ZSCAN5A: variants seen among roughly 807,000 people sequenced by gnomAD.
The protein encoded by ZSCAN5A is zinc finger and SCAN domain containing 5A.
ZSCAN5A carries 12 observed loss-of-function variants against 23.7 expected under a neutral mutation model. The observed-to-expected ratio is 0.51, with a 90% CI of 0.32 to 0.82. The LOEUF (loss-of-function observed/expected upper bound fraction) is 0.82, where lower values mean the gene tolerates loss of function less well. ZSCAN5A is among the 40% of genes least tolerant of loss of function. The pLI, the probability that ZSCAN5A is intolerant of heterozygous loss-of-function variation, is 0.03. For synonymous variants in ZSCAN5A, 257 were observed against 239.9 expected, an observed-to-expected ratio of 1.07 and a Z score of -0.66; for missense variants, 597 against 617.9, an observed-to-expected ratio of 0.97 and a Z score of 0.36.
Position 56,355,481 on chromosome 19 carries a change from T to C in ZSCAN5A, c.-358+7754A>G, listed in dbSNP as rs185367234. Among the ~76,000 whole-genome samples the C allele has an allele frequency of 1.1e-3, 163 of 148,802 alleles. 15 individuals carry two copies. Among genetic ancestry groups the C allele is most frequent in the African/African-American group, 4.0e-3 (160 of 39,582 alleles). ...CAATTTTTTTCCCAATTTTTACTGTTTTACACTGACTTAGCTGATGCTTAA... is the reference window on the plus strand; with the variant it reads ...CAATTTTTTTCCCAATTTTTACTGTCTTACACTGACTTAGCTGATGCTTAA... On this transcript the variant is annotated intron_variant, in intron 2 of 6. Transcript: ENST00000587340.
intron 1 of ZSCAN5A, chr19:56,367,117 T>G (rs8106816): frequency 0.11 from 16,243 of 152,140 alleles, 1,244 homozygotes; most frequent in East Asian, 0.35. Flanking sequence ...CGCAGCACTT[T>G]GGGAGGTCAA....
At chr19:56,246,721 C>T (rs2035929699) in intron 2 of ZSCAN5A, 2 of 1,244,944 alleles carry the variant, frequency 1.6e-6, no homozygotes, top group South Asian at 2.4e-5. Context: ...TGTGGAATCC[C>T]TTCTTCCAGC....
chr19:56,226,398 G>A (rs560587692), intron 2 of ZSCAN5A, among the ~76,000 whole-genome samples: 1 of 152,338 alleles, frequency 6.6e-6, no homozygotes, highest in African/African-American at 2.4e-5. Context: ...TAACCCACTA[G>A]AAGGGCTTAA....
intron 2 of ZSCAN5A, chr19:56,272,906 T>C: frequency 1.0e-6 from 1 of 985,254 alleles, no homozygotes; most frequent in Non-Finnish European, 1.2e-6. Flanking sequence ...CAGAAGCCTG[T>C]ACTCCTCGTG....
chr19:56,224,559 GCCCTGA>G (rs2033704650), intron 3 of ZSCAN5A, 98 bp downstream of exon 3: 2 of 1,398,698 alleles, frequency 1.4e-6, no homozygotes, highest in African/African-American at 2.9e-5. Flanking sequence ...CTACTTGGAA[GCCCTGA>G]CCTAGAGCAG....
intron 2 of ZSCAN5A, among the ~76,000 whole-genome samples, chr19:56,336,951 C>T (rs2041543687): frequency 6.6e-6 from 1 of 152,182 alleles, no homozygotes; most frequent in South Asian, 2.1e-4. Flanking sequence ...GAAGTTTTGT[C>T]TCAGAGGAGT....
chr19:56,239,840 T>C (rs1473686397), intron 2 of ZSCAN5A, among the ~76,000 whole-genome samples: 1 of 152,178 alleles, frequency 6.6e-6, no homozygotes, highest in Non-Finnish European at 1.5e-5. Flanking sequence ...ACTGTCTGTG[T>C]GGCGCGAGGG....
At chr19:56,298,870 A>T (rs562776753) in intron 2 of ZSCAN5A, among the ~76,000 whole-genome samples, 1 of 152,344 alleles carries the variant, frequency 6.6e-6, no homozygotes, top group East Asian at 1.9e-4. Context: ...TTGATAAAAG[A>T]TCTGACAAAT....
At chr19:56,238,425 G>A (rs992733880) in intron 2 of ZSCAN5A, among the ~76,000 whole-genome samples, 2 of 152,092 alleles carry the variant, frequency 1.3e-5, no homozygotes, top group African/African-American at 4.8e-5. Context: ...GCCAGGAATT[G>A]GAGAGCAGCC....
intron 2 of ZSCAN5A, among the ~76,000 whole-genome samples, chr19:56,250,107 A>G (rs1373417938): frequency 6.6e-6 from 1 of 152,218 alleles, no homozygotes; most frequent in South Asian, 2.1e-4. Context: ...TTGCAAAGGA[A>G]TAAGAAAATT....
chr19:56,337,962 T>A (rs1166583587), intron 2 of ZSCAN5A, among the ~76,000 whole-genome samples: 2 of 152,222 alleles, frequency 1.3e-5, no homozygotes, highest in African/African-American at 4.8e-5. Flanking sequence ...TGATTACTAG[T>A]TAGGCTTAGC....
At chr19:56,313,425 A>G (rs2041166396) in intron 1 of ZSCAN5A, 41 bp from the exon 2 acceptor site, 2 of 176,092 alleles carry the variant, frequency 1.1e-5, no homozygotes, top group Non-Finnish European at 1.3e-5. Context: ...CTTATTCACT[A>G]TCACAAGAAC....
In ZSCAN5A at chr19:56,279,704, G is replaced by A. The variant is rs2038539939; in HGVS notation, c.-128+33579C>T. On this transcript the variant is annotated intron_variant, in intron 2 of 5. Coordinates refer to ENST00000683990, the MANE Select transcript of ZSCAN5A (RefSeq NM_001322064.3). ...TAAAATGCCTGCAGATAACATTTTG[G>A]GTTTTTTATACCTAAAAAGCTAGCC... Among the ~76,000 whole-genome samples, 4 of 151,978 alleles carry A rather than the reference G, an allele frequency of 2.6e-5. No individual in the cohort carries two copies. In the South Asian group the frequency reaches 8.3e-4, roughly 32 times the overall value.
chr19:56,313,135 A>G (rs2041147638), intron 2 of ZSCAN5A, 148 bp downstream of exon 2: 2 of 211,142 alleles, frequency 9.5e-6, no homozygotes, highest in South Asian at 4.5e-5. Flanking sequence ...ATCCTTTAAA[A>G]TGTAATAAAG....
intron 2 of ZSCAN5A, chr19:56,273,049 A>T (rs1267671523): frequency 4.4e-6 from 1 of 228,590 alleles, no homozygotes; most frequent in Non-Finnish European, 7.2e-6. Flanking sequence ...TTAGACATTC[A>T]CATTTCCCTT....
chr19:56,313,615 T>C (rs1204206195), intron 1 of ZSCAN5A, among the ~76,000 whole-genome samples: 1 of 152,238 alleles, frequency 6.6e-6, no homozygotes, highest in Non-Finnish European at 1.5e-5. Context: ...AACCCAGTAG[T>C]AACTAATTTT....
intron 2 of ZSCAN5A, among the ~76,000 whole-genome samples, chr19:56,344,189 T>A (rs2041614575): frequency 6.6e-6 from 1 of 152,234 alleles, no homozygotes; most frequent in Admixed American, 6.5e-5. Context: ...AGGAACTCAC[T>A]TTATATTTAG....
chr19:56,334,242 C>G (rs1435627013), intron 2 of ZSCAN5A, among the ~76,000 whole-genome samples: 1 of 152,134 alleles, frequency 6.6e-6, no homozygotes, highest in Non-Finnish European at 1.5e-5. Context: ...GTTCTAGATG[C>G]CTGGAGGTCT....
intron 2 of ZSCAN5A, among the ~76,000 whole-genome samples, chr19:56,284,671 T>C (rs955103122): frequency 2.0e-5 from 3 of 151,864 alleles, no homozygotes; most frequent in East Asian, 3.9e-4. Context: ...CCCACCACCA[T>C]GTCTGCCTAA....
Sources: gnomAD v4.1 joint callset for allele counts (sites outside exome capture counted in the v4.1 genomes callset) on GRCh38, gnomAD v4.1.1 for gene constraint, MANE v1.5 for transcripts, NCBI Gene and HGNC (gene_info 2026-07-23, HGNC 2026-07-21) for gene names.